The following MED13 variants were observed in gnomAD, a reference collection of about 807,000 sequenced individuals.
MED13 encodes the protein mediator of RNA polymerase II transcription subunit 13.
In MED13, 23 loss-of-function variants were observed where a neutral mutation model predicts 225.2. The ratio of observed to expected loss-of-function variants is 0.10; its 90% CI spans 0.07 to 0.14. The LOEUF (loss-of-function observed/expected upper bound fraction) is 0.14. Ranked by LOEUF, MED13 falls within the 10% of genes least tolerant of loss-of-function variation. The probability of loss-of-function intolerance (pLI) is 1.00; values close to 1 mark genes in which losing one functional copy is unlikely to be tolerated. For missense variants in MED13, 2,197 were observed against 2,594.5 expected (o/e 0.85, Z 3.33); for synonymous variants, 942 against 889.2 (o/e 1.06, Z -1.06).
chr17:62,016,893 CCA>C (rs2080587392), intron 8 of MED13, among the ~76,000 whole-genome samples: 1 of 151,866 alleles, frequency 6.6e-6, no homozygotes, highest in Non-Finnish European at 1.5e-5. Context: ...GCCTGTAATC[CCA>C]ACTACTCAGG....
intron 2 of MED13, among the ~76,000 whole-genome samples, chr17:62,056,785 C>A (rs527652229): frequency 5.3e-4 from 80 of 152,254 alleles, no homozygotes; most frequent in African/African-American, 1.8e-3. Context: ...AAAATTCCTT[C>A]TCTTGTAGCT....
At chr17:61,999,874 T>C (rs941094878) in intron 9 of MED13, among the ~76,000 whole-genome samples, 6 of 151,954 alleles carry the variant, frequency 3.9e-5, no homozygotes, top group African/African-American at 9.7e-5. Context: ...CTGGACAACA[T>C]AGCGAGATCC....
Position 61,995,290 on chromosome 17 carries a change from A to C in MED13, c.2043T>G (p.Cys681Trp). Residue 681 changes from cysteine to tryptophan, a missense_variant, in exon 10 of 30, where the codon TGT becomes TGG. This residue lies in a region of MED13 where 884 missense variants were observed against 918.5 expected (regional missense o/e 0.96). Transcript: ENST00000397786. ...LVQQYQIKNQ[C>W]LSAIASDAEQ... ...CTGCATCAGATGCTATTGCTGAAAG[A>C]CACTGGTTTTTAATTTGATATTGCT... 6.2e-7 allele frequency: 1 copy of C among 1,613,862 alleles called. No homozygotes were observed.
At chr17:62,048,024 A>G (rs1217149776) in intron 3 of MED13, among the ~76,000 whole-genome samples, 3 of 113,072 alleles carry the variant, frequency 2.7e-5, no homozygotes, top group African/African-American at 6.5e-5. Context: ...ATACATATAT[A>G]CATATACATA....
rs939833716 is a variant in MED13, at chr17:61,962,606, T to C, written c.5064+146A>G. On this transcript the variant is annotated intron_variant, in intron 21 of 29. Coordinates refer to ENST00000397786, the MANE Select transcript of MED13 (RefSeq NM_005121.3). ...TTTATCTTTTATAAATTCTCTAAGA[T>C]TTATATTATGATATTAAAGTAAAAT... is the stretch of plus-strand genomic sequence containing the variant. The C allele has an allele frequency of 6.5e-6, 4 of 610,862 alleles. No homozygotes were observed. In the East Asian group the frequency reaches 1.1e-4, roughly 17 times the overall value. The allele number at this position is 610,862 out of a possible 1,614,324, so 37.8% of individuals were successfully genotyped here.
At chr17:62,025,884 G>C (rs1242270713) in intron 8 of MED13, among the ~76,000 whole-genome samples, 4 of 152,090 alleles carry the variant, frequency 2.6e-5, no homozygotes, top group Non-Finnish European at 5.9e-5. Context: ...AAAGTTGCCA[G>C]ACTTTTAAAA....
chr17:62,024,777 C>G (rs1242661265), intron 8 of MED13, among the ~76,000 whole-genome samples: 1 of 152,202 alleles, frequency 6.6e-6, no homozygotes, highest in Non-Finnish European at 1.5e-5. Flanking sequence ...TAAGTGAGAA[C>G]AGGCAATATT....
In MED13 at chr17:62,010,989, T is replaced by A. The variant is rs752646703; in HGVS notation, c.1528A>T (p.Asn510Tyr). 6.2e-7 allele frequency: 1 copy of A among 1,613,614 alleles called. No homozygotes were observed. The highest frequency in any genetic ancestry group is 2.2e-5 in the East Asian group (1 of 44,882). ...SAPDSQVRFS[N>Y]IRTNDVAKTP... ...TTTGCTACATCATTAGTTCGGATATTTGAAAATCTCACTTGACTGTCTGGA... is the reference window on the plus strand; with the variant it reads ...TTTGCTACATCATTAGTTCGGATATATGAAAATCTCACTTGACTGTCTGGA... The change falls in exon 9 of 30, where the codon AAT becomes TAT. Residue 510 changes from asparagine (N) to tyrosine (Y), a missense_variant. Physicochemically the swap from Asn to Tyr is moderately radical, Grantham distance 143 (BLOSUM62 -2). Around this residue, in one of 12 missense-constraint regions of MED13, gnomAD observed 884 missense variants for 918.5 expected, o/e 0.96. Coordinates refer to ENST00000397786, the MANE Select transcript of MED13 (RefSeq NM_005121.3).
At position 62,002,781 on chromosome 17, in the gene MED13, T is replaced by C. The variant is rs147316114; in HGVS notation, c.1968-7416A>G. Among the ~76,000 whole-genome samples the C allele has an allele frequency of 5.7e-3, 873 of 152,334 alleles. 6 individuals are homozygous for C. The highest frequency in any genetic ancestry group is 0.02 in the African/African-American group (831 of 41,562). ...TCACTCTAGTTTGGAGTGACTGAAATAGTATGGGGAATCTCCCCAATGAAG... is the reference window on the plus strand; with the variant it reads ...TCACTCTAGTTTGGAGTGACTGAAACAGTATGGGGAATCTCCCCAATGAAG... On this transcript the variant is annotated intron_variant, in intron 9 of 29. Coordinates refer to ENST00000397786, the MANE Select transcript of MED13 (RefSeq NM_005121.3).
intron 9 of MED13, chr17:62,007,567 G>C (rs2080461946): frequency 6.6e-6 from 1 of 151,970 alleles, no homozygotes; most frequent in Non-Finnish European, 1.5e-5. Context: ...GTTAGACCTT[G>C]GCCGGGCGTG....
intron 17 of MED13, among the ~76,000 whole-genome samples, chr17:61,971,275 C>CTTTT (rs758826223): frequency 5.7e-4 from 78 of 136,344 alleles, no homozygotes; most frequent in African/African-American, 2.1e-3. Context: ...TAAATATCTA[C>CTTTT]TTTTTTTTTT....
rs766488855 is a variant in MED13, at chr17:61,961,051, G to A, written c.5296C>T (p.Leu1766=). 9 of 1,613,722 alleles carry A rather than the reference G, an allele frequency of 5.6e-6. No individual in the cohort carries two copies. The highest frequency in any genetic ancestry group is 6.8e-6 in the Non-Finnish European group (8 of 1,179,954). ...GTCTGTTTGTCCTTCACTGGAGCCAGAATAAAAGGAGGTGCATAAAGTCGA... is the reference window on the plus strand; with the variant it reads ...GTCTGTTTGTCCTTCACTGGAGCCAAAATAAAAGGAGGTGCATAAAGTCGA... ...CIRLYAPPFI[L]APVKDKQTEL... The change falls in exon 23 of 30, where the codon CTG becomes TTG. Residue 1766 remains leucine (L), a synonymous_variant. Coordinates refer to ENST00000397786, the MANE Select transcript of MED13 (RefSeq NM_005121.3).
chr17:61,991,957 T>C (rs2080303351), intron 11 of MED13, among the ~76,000 whole-genome samples: 1 of 152,232 alleles, frequency 6.6e-6, no homozygotes. Context: ...CATTTTTCAA[T>C]TATAATTTAA....
At chr17:61,993,148 T>C (rs2080315241) in intron 10 of MED13, among the ~76,000 whole-genome samples, 1 of 151,950 alleles carries the variant, frequency 6.6e-6, no homozygotes, top group Non-Finnish European at 1.5e-5. Context: ...GAGCTGAAAT[T>C]TTATCCTAAA....
intron 4 of MED13, 61 bp from the exon 5 acceptor site, chr17:62,034,045 C>T (rs1322372189): frequency 7.0e-7 from 1 of 1,428,730 alleles, no homozygotes; most frequent in Non-Finnish European, 9.7e-7. Flanking sequence ...AATAAGAACA[C>T]AGTGAAAAAT....
In MED13 at chr17:62,048,041, TAC is replaced by T. The variant is rs200204509; in HGVS notation, c.470+4494_470+4495del. ...ACATATATACATATACATATACATA[TAC>T]ATATATATATATATATATATGTATA... On this transcript the variant is annotated intron_variant, in intron 3 of 29. Coordinates refer to ENST00000397786, the MANE Select transcript of MED13 (RefSeq NM_005121.3). Among the ~76,000 whole-genome samples, 521 of 116,634 alleles carry T rather than the reference TAC, an allele frequency of 4.5e-3. 2 individuals carry two copies. Among genetic ancestry groups the T allele is most frequent in the African/African-American group, 0.015 (444 of 30,000 alleles). 76.5% of individuals were successfully genotyped at this position (116,634 alleles called of 152,430 possible). A position where few individuals can be genotyped will look rare whatever the true frequency, so the allele number is the denominator to read the frequency against.
chr17:61,987,399 A>T (rs1244211912), intron 11 of MED13, among the ~76,000 whole-genome samples: 1 of 152,084 alleles, frequency 6.6e-6, no homozygotes, highest in Non-Finnish European at 1.5e-5. Context: ...GCACCATTGC[A>T]CTCCAGCCTG....
rs181748585 is a variant in MED13 at position 62,024,667 on chromosome 17, A to G, written c.1283+4874T>C. ...ATTAAAGGACTAGTATCCAATAGTT[A>G]TTTTTTCTGCTCCTCTCCCTCCTCC... On this transcript the variant is annotated intron_variant, in intron 8 of 29. Coordinates refer to ENST00000397786, the MANE Select transcript of MED13 (RefSeq NM_005121.3). 2.8e-3 allele frequency among the ~76,000 whole-genome samples: 420 copies of G among 152,118 alleles called. 1 individual carries two copies. Among genetic ancestry groups the G allele is most frequent in the Non-Finnish European group, 4.6e-3 (313 of 67,984 alleles).
At position 61,966,590 on chromosome 17, in the gene MED13, A is replaced by G. The variant is rs944681136; in HGVS notation, c.4253T>C (p.Val1418Ala). The change falls in exon 19 of 30, where the codon GTT becomes GCT. Residue 1418 changes from valine to alanine, a missense_variant. Val to Ala is a moderately conservative substitution (Grantham distance 64, BLOSUM62 0). Around this residue, in one of 12 missense-constraint regions of MED13, gnomAD observed 457 missense variants for 442.2 expected, o/e 1.03. Coordinates refer to ENST00000397786, the MANE Select transcript of MED13 (RefSeq NM_005121.3). ...SRLLTDGIMRVGSTASKKLSE... is the reference protein window; with the variant it reads ...SRLLTDGIMRAGSTASKKLSE... ...TAGTTTCTTTGATGCAGTAGATCCA[A>G]CTCTCATGATCCCATCTGTTAACAG... 2.5e-6 allele frequency: 4 copies of G among 1,613,896 alleles called. No homozygotes were observed. In the African/African-American group the frequency reaches 4.0e-5, roughly 16 times the overall value.
Sources: allele counts gnomAD v4.1 joint callset (sites outside exome capture counted in the v4.1 genomes callset), GRCh38; gene constraint gnomAD v4.1.1; regional missense constraint gnomAD v4.1.1; transcripts MANE v1.5; gene names NCBI Gene and HGNC (gene_info 2026-07-23, HGNC 2026-07-21).